CNTNAP2: variants seen among roughly 807,000 people sequenced by gnomAD.
The protein encoded by CNTNAP2 is contactin associated protein 2.
In CNTNAP2, 98 loss-of-function variants were observed where a neutral mutation model predicts 155.2. That is an observed-to-expected ratio of 0.63 (90% CI 0.54 to 0.75). The LOEUF (loss-of-function observed/expected upper bound fraction) is 0.75, where lower values mean the gene tolerates loss of function less well. CNTNAP2 is among the 30% of genes least tolerant of loss of function. The pLI is 0.00. For missense variants in CNTNAP2, 1,727 were observed against 1,688.1 expected, an observed-to-expected ratio of 1.02 and a Z score of -0.40; for synonymous variants, 651 against 631.2, an observed-to-expected ratio of 1.03 and a Z score of -0.47.
chr7:147,191,636 G>C (rs1264519408), intron 8 of CNTNAP2, among the ~76,000 whole-genome samples: 1 of 152,078 alleles, frequency 6.6e-6, no homozygotes, highest in African/African-American at 2.4e-5. Context: ...TTATATATAG[G>C]ACAGTGAAAA....
chr7:146,416,286 A>G (rs1327380100), intron 1 of CNTNAP2, among the ~76,000 whole-genome samples: 2 of 150,468 alleles, frequency 1.3e-5, no homozygotes, highest in Non-Finnish European at 1.5e-5. Flanking sequence ...CTATATATAT[A>G]CCTATATATA....
intron 21 of CNTNAP2, among the ~76,000 whole-genome samples, chr7:148,284,657 T>C (rs946332492): frequency 2.0e-5 from 3 of 151,684 alleles, no homozygotes; most frequent in Non-Finnish European, 2.9e-5. Context: ...AAAGACTGGC[T>C]GTCACTCAAC....
intron 12 of CNTNAP2, among the ~76,000 whole-genome samples, chr7:147,616,312 A>T (rs894984159): frequency 2.0e-5 from 3 of 152,174 alleles, no homozygotes; most frequent in Admixed American, 2.0e-4. Flanking sequence ...TTGACCACAC[A>T]TGAGCCACAA....
chr7:147,445,795 C>T (rs985712867), intron 10 of CNTNAP2, among the ~76,000 whole-genome samples: 3 of 151,796 alleles, frequency 2.0e-5, no homozygotes, highest in African/African-American at 7.3e-5. Flanking sequence ...CTTTCTTTCT[C>T]TTTCTTCTTT....
chr7:146,423,573 C>T lies in CNTNAP2; in HGVS notation c.97+306600C>T, dbSNP rs568961551. 1.1e-3 allele frequency among the ~76,000 whole-genome samples: 166 copies of T among 152,252 alleles called. 2 individuals carry two copies. Among genetic ancestry groups the T allele is most frequent in the Admixed American group, 0.011 (165 of 15,284 alleles). On this transcript the variant is annotated intron_variant, in intron 1 of 23. Coordinates refer to ENST00000361727, the MANE Select transcript of CNTNAP2 (RefSeq NM_014141.6). ...TATTTGTGCTCCAATTTTTAGCAGC[C>T]ACCTGCTTTTCTGCTCCCCAAAGGG...
chr7:148,288,990 A>G (rs937661162), intron 21 of CNTNAP2, among the ~76,000 whole-genome samples: 2 of 147,538 alleles, frequency 1.4e-5, no homozygotes, highest in Non-Finnish European at 3.0e-5. Context: ...CCCACTTTGT[A>G]TATTGAATTT....
intron 1 of CNTNAP2, among the ~76,000 whole-genome samples, chr7:146,546,720 G>A (rs1798034531): frequency 6.6e-6 from 1 of 151,886 alleles, no homozygotes. Context: ...CATGGTAGAA[G>A]GTGAAGGAGG....
At chr7:148,033,952 C>G (rs1802527523) in intron 15 of CNTNAP2, among the ~76,000 whole-genome samples, 1 of 152,008 alleles carries the variant, frequency 6.6e-6, no homozygotes, top group African/African-American at 2.4e-5. Flanking sequence ...CAGTGATCAT[C>G]AAACATTAGA....
intron 13 of CNTNAP2, among the ~76,000 whole-genome samples, chr7:147,757,012 TC>T (rs1442231826): frequency 6.6e-6 from 1 of 152,206 alleles, no homozygotes; most frequent in African/African-American, 2.4e-5. Flanking sequence ...TTATTAAACC[TC>T]TGGTTGAATA....
At chr7:146,130,665 T>G (rs1797700703) in intron 1 of CNTNAP2, among the ~76,000 whole-genome samples, 1 of 152,212 alleles carries the variant, frequency 6.6e-6, no homozygotes, top group East Asian at 1.9e-4. Context: ...TTTATTGCTG[T>G]GTTAGTTTGT....
chr7:146,524,475 T>C (rs1365034438), intron 1 of CNTNAP2, among the ~76,000 whole-genome samples: 1 of 152,160 alleles, frequency 6.6e-6, no homozygotes, highest in African/African-American at 2.4e-5. Context: ...TTCTTTCATG[T>C]CCTAGAAGTG....
intron 3 of CNTNAP2, among the ~76,000 whole-genome samples, chr7:146,903,163 TTC>T (rs1399199843): frequency 6.6e-6 from 1 of 152,210 alleles, no homozygotes; most frequent in African/African-American, 2.4e-5. Flanking sequence ...CCAGACTCAC[TTC>T]TGTGGATTAC....
rs184147911 is a variant in CNTNAP2, at chr7:146,970,719, C to G, written c.403-73188C>G. Among the ~76,000 whole-genome samples the G allele has an allele frequency of 2.0e-3, 301 of 152,134 alleles. 3 individuals are homozygous for G. The highest frequency in any genetic ancestry group is 6.4e-3 in the African/African-American group (267 of 41,502). On this transcript the variant is annotated intron_variant, in intron 3 of 23. Transcript: ENST00000361727. ...AGCCATCCTATTACTGGGTATATAC[C>G]CAAAGGACTGTAAATCATGCTGCTA... is the stretch of plus-strand genomic sequence containing the variant.
intron 13 of CNTNAP2, among the ~76,000 whole-genome samples, chr7:147,660,483 G>C (rs1795592912): frequency 6.6e-6 from 1 of 152,212 alleles, no homozygotes; most frequent in South Asian, 2.1e-4. Flanking sequence ...TAATAGGCCA[G>C]AAAGACTCTG....
rs750528859 is a variant in CNTNAP2, at chr7:148,409,375, CTT to C, written c.3716-14_3716-13del. 6.3e-7 allele frequency: 1 copy of C among 1,596,878 alleles called. No individual in the cohort carries two copies. Among genetic ancestry groups the C allele is most frequent in the African/African-American group, 1.3e-5 (1 of 74,308 alleles). Reference sequence around the variant, plus strand: ...GTATACTTGACTCTGACACTTGACTCTTTCTTTCTCTACAGCCAGTGCGGATT... The same window carrying C: ...GTATACTTGACTCTGACACTTGACTCTCTTTCTCTACAGCCAGTGCGGATT... On this transcript the variant is annotated splice_polypyrimidine_tract_variant and intron_variant, in intron 22 of 23. Coordinates refer to ENST00000361727, the MANE Select transcript of CNTNAP2 (RefSeq NM_014141.6).
intron 3 of CNTNAP2, among the ~76,000 whole-genome samples, chr7:146,975,860 G>A (rs1339960070): frequency 2.6e-5 from 4 of 152,300 alleles, no homozygotes; most frequent in African/African-American, 7.2e-5. Context: ...ATGGTAACTA[G>A]CAGAGGCATG....
At chr7:146,218,554 A>C (rs1028763291) in intron 1 of CNTNAP2, among the ~76,000 whole-genome samples, 5 of 151,744 alleles carry the variant, frequency 3.3e-5, no homozygotes, top group African/African-American at 1.2e-4. Flanking sequence ...AAAAATTGCC[A>C]TCAAGGTTAA....
rs535614320 is a variant in CNTNAP2 at position 147,659,617 on chromosome 7, G to C, written c.2098+20311G>C. Among the ~76,000 whole-genome samples the C allele has an allele frequency of 1.4e-4, 21 of 152,286 alleles. No homozygotes were observed. In the East Asian group the frequency reaches 4.0e-3, roughly 29 times the overall value. On this transcript the variant is annotated intron_variant, in intron 13 of 23. Coordinates refer to ENST00000361727, the MANE Select transcript of CNTNAP2 (RefSeq NM_014141.6). ...TAATAATACAAAGGAAGATAAGAGA[G>C]AAGAAATACAAATGGGAGTGACTAG...
chr7:147,999,041 T>C (rs1184128063), intron 15 of CNTNAP2, among the ~76,000 whole-genome samples: 2 of 152,234 alleles, frequency 1.3e-5, no homozygotes, highest in African/African-American at 4.8e-5. Context: ...AACAACGCTA[T>C]ACTGAAAATA....
Sources: allele counts gnomAD v4.1 joint callset (sites outside exome capture counted in the v4.1 genomes callset), GRCh38; gene constraint gnomAD v4.1.1; transcripts MANE v1.5; gene names NCBI Gene and HGNC (gene_info 2026-07-23, HGNC 2026-07-21).